PTPRD: variants seen among roughly 807,000 people sequenced by gnomAD.
PTPRD encodes receptor-type tyrosine-protein phosphatase delta.
Under a neutral mutation model 214.5 loss-of-function variants are expected in PTPRD, and 34 were observed. The observed-to-expected ratio is 0.16, with a 90% CI of 0.12 to 0.21. The LOEUF (loss-of-function observed/expected upper bound fraction) is 0.21, where lower values mean the gene tolerates loss of function less well. Among genes scored for constraint, PTPRD ranks in the 10% least tolerant of loss-of-function variants. PTPRD has a pLI of 1.00. For missense variants in PTPRD, 2,545 were observed against 2,398.7 expected (o/e 1.06, Z -1.27); for synonymous variants, 1,128 against 845.7 (o/e 1.33, Z -5.79).
intron 7 of PTPRD, among the ~76,000 whole-genome samples, chr9:9,652,251 C>G (rs1273268222): frequency 6.6e-6 from 1 of 152,058 alleles, no homozygotes; most frequent in African/African-American, 2.4e-5. Flanking sequence ...GCCTTTTGTT[C>G]TCTCTCTCTA....
At chr9:10,246,708 C>T (rs78043774) in intron 3 of PTPRD, among the ~76,000 whole-genome samples, 3,399 of 151,406 alleles carry the variant, frequency 0.022, 98 homozygotes, top group African/African-American at 0.075. Flanking sequence ...GTACTCTTTA[C>T]GTATTTTTAA....
intron 2 of PTPRD, among the ~76,000 whole-genome samples, chr9:10,569,789 G>A (rs983179015): frequency 5.3e-5 from 8 of 151,978 alleles, no homozygotes; most frequent in Non-Finnish European, 1.2e-4. Flanking sequence ...ATTTTGGTGT[G>A]CTTTACCTCG....
chr9:9,234,240 C>A (rs1334652523), intron 9 of PTPRD, among the ~76,000 whole-genome samples: 1 of 152,206 alleles, frequency 6.6e-6, no homozygotes, highest in Non-Finnish European at 1.5e-5. Context: ...GGACTTGCAT[C>A]ATCTGAAGCC....
At chr9:9,239,212 C>A (rs566643468) in intron 9 of PTPRD, among the ~76,000 whole-genome samples, 81 of 144,692 alleles carry the variant, frequency 5.6e-4, no homozygotes, top group East Asian at 1.4e-3. Flanking sequence ...AAAAAAAAAA[C>A]CACAAGTATT....
chr9:10,449,731 T>C (rs1225325714), intron 2 of PTPRD, among the ~76,000 whole-genome samples: 1 of 151,712 alleles, frequency 6.6e-6, no homozygotes, highest in Non-Finnish European at 1.5e-5. Context: ...AGCCACCCCA[T>C]CTGGGAGGTG....
At chr9:10,166,254 A>AC (rs2099158366) in intron 3 of PTPRD, among the ~76,000 whole-genome samples, 1 of 149,994 alleles carries the variant, frequency 6.7e-6, no homozygotes, top group Non-Finnish European at 1.5e-5. Flanking sequence ...AAAAAAAAAA[A>AC]AAACAAAACA....
At chr9:9,117,393 T>C (rs575463284) in intron 10 of PTPRD, among the ~76,000 whole-genome samples, 2 of 152,240 alleles carry the variant, frequency 1.3e-5, no homozygotes, top group Admixed American at 6.5e-5. Context: ...AAAACACTTG[T>C]TGTACTTAAG....
At chr9:10,547,252 T>G (rs2060359524) in intron 2 of PTPRD, among the ~76,000 whole-genome samples, 1 of 152,148 alleles carries the variant, frequency 6.6e-6, no homozygotes, top group South Asian at 2.1e-4. Context: ...ATTTTACAAA[T>G]TATTCTAAGG....
chr9:8,553,616 TA>T (rs1159967329), intron 14 of PTPRD, among the ~76,000 whole-genome samples: 3 of 152,196 alleles, frequency 2.0e-5, no homozygotes, highest in Non-Finnish European at 4.4e-5. Flanking sequence ...AGTATACCTT[TA>T]TGACAGGTAC....
At chr9:9,233,371 C>A (rs1462653984) in intron 9 of PTPRD, among the ~76,000 whole-genome samples, 2 of 152,292 alleles carry the variant, frequency 1.3e-5, no homozygotes, top group East Asian at 3.9e-4. Context: ...GTCCCTTCCA[C>A]AACATGTGGA....
chr9:10,519,413 A>C (rs2051381098), intron 2 of PTPRD, among the ~76,000 whole-genome samples: 1 of 152,126 alleles, frequency 6.6e-6, no homozygotes, highest in African/African-American at 2.4e-5. Flanking sequence ...ACATTACAAA[A>C]ATAACATAAT....
chr9:8,667,035 C>T lies in PTPRD; in HGVS notation c.65-30191G>A, dbSNP rs186478789. Among the ~76,000 whole-genome samples, 16 of 152,134 alleles carry T rather than the reference C, an allele frequency of 1.1e-4. No homozygotes were observed. The East Asian group carries it at 3.1e-3, about 29-fold the overall frequency. On this transcript the variant is annotated intron_variant, in intron 12 of 45. Coordinates refer to ENST00000381196, the MANE Select transcript of PTPRD (RefSeq NM_002839.4). ...ACAAAAATAAAGGGAATTTGGAGGG[C>T]CAGTTTGAAACAAAACCAGAAGGCC... is the stretch of plus-strand genomic sequence containing the variant.
rs754630616 is a variant in PTPRD at position 8,528,666 on chromosome 9, C to G, written c.466G>C (p.Glu156Gln). Residue 156 changes from glutamate to glutamine, a missense_variant, in exon 15 of 46, where the codon GAA (glutamate) becomes CAA (glutamine). Transcript: ENST00000381196. ...AAGAAATCTTTAAACCAAGTGATTTCTGGATCCGGATTACCACTGGCTGCA... is the reference window on the plus strand; with the variant it reads ...AAGAAATCTTTAAACCAAGTGATTTGTGGATCCGGATTACCACTGGCTGCA... Reference protein sequence around the residue: ...LCAASGNPDPEITWFKDFLPV... With the variant: ...LCAASGNPDPQITWFKDFLPV... 5 of 1,613,626 alleles carry G rather than the reference C, an allele frequency of 3.1e-6. No homozygotes were observed. In the Admixed American group the frequency reaches 5.0e-5, roughly 16 times the overall value.
At chr9:9,863,822 C>G (rs1374316461) in intron 5 of PTPRD, among the ~76,000 whole-genome samples, 3 of 149,866 alleles carry the variant, frequency 2.0e-5, no homozygotes, top group African/African-American at 7.5e-5. Flanking sequence ...AGCAGCCAAC[C>G]TACATGCAGG....
intron 8 of PTPRD, among the ~76,000 whole-genome samples, chr9:9,541,534 A>G (rs560623357): frequency 2.6e-5 from 4 of 151,860 alleles, no homozygotes; most frequent in South Asian, 2.1e-4. Context: ...TGTTTAAGCC[A>G]CTGGTTTCAT....
chr9:10,534,650 T>C (rs1055626216), intron 2 of PTPRD, among the ~76,000 whole-genome samples: 1 of 152,122 alleles, frequency 6.6e-6, no homozygotes, highest in Non-Finnish European at 1.5e-5. Context: ...CTTACTAGGT[T>C]GGCAGACACA....
chr9:10,592,903 C>G (rs866883715), intron 2 of PTPRD, among the ~76,000 whole-genome samples: 4 of 151,952 alleles, frequency 2.6e-5, no homozygotes, highest in Admixed American at 2.0e-4. Context: ...AGCCCAGCAG[C>G]AGCAACCTGC....
intron 5 of PTPRD, among the ~76,000 whole-genome samples, chr9:9,784,972 G>A (rs2098909494): frequency 6.6e-6 from 1 of 151,080 alleles, no homozygotes; most frequent in African/African-American, 2.4e-5. Flanking sequence ...GGGTTTGGGT[G>A]AATATAACTG....
intron 11 of PTPRD, among the ~76,000 whole-genome samples, chr9:9,002,698 T>C (rs766989118): frequency 2.4e-4 from 36 of 152,084 alleles, no homozygotes; most frequent in Non-Finnish European, 4.1e-4. Context: ...TTACTGGGCT[T>C]CCGCCTACTT....
Sources: gnomAD v4.1 joint callset for allele counts (sites outside exome capture counted in the v4.1 genomes callset) on GRCh38, gnomAD v4.1.1 for gene constraint, MANE v1.5 for transcripts, NCBI Gene and HGNC (gene_info 2026-07-23, HGNC 2026-07-21) for gene names.